LRRC4C: variants seen among roughly 807,000 people sequenced by gnomAD.
LRRC4C encodes the protein leucine rich repeat containing 4C.
In LRRC4C, 5 loss-of-function variants were observed where a neutral mutation model predicts 33.6. The ratio of observed to expected loss-of-function variants is 0.15; its 90% confidence interval spans 0.08 to 0.31. LRRC4C has a LOEUF of 0.31. Among genes scored for constraint, LRRC4C ranks in the 10% least tolerant of loss-of-function variants. The pLI is 1.00. For missense variants in LRRC4C, 560 were observed against 796.7 expected (o/e 0.70, Z 3.58); for synonymous variants, 329 against 302.0 (o/e 1.09, Z -0.93).
At chr11:40,568,870 T>A (rs905413693) in intron 3 of LRRC4C, among the ~76,000 whole-genome samples, 2 of 152,008 alleles carry the variant, frequency 1.3e-5, no homozygotes, top group Non-Finnish European at 2.9e-5. Context: ...GATTTAGACT[T>A]GAACAAAAAA....
intron 2 of LRRC4C, among the ~76,000 whole-genome samples, chr11:40,824,916 C>A (rs1952093919): frequency 6.6e-6 from 1 of 151,874 alleles, no homozygotes; most frequent in African/African-American, 2.4e-5. Context: ...TCACTTCTGC[C>A]ACACTGCCAC....
At chr11:40,274,928 CCTGCT>C (rs1942990644) in intron 4 of LRRC4C, among the ~76,000 whole-genome samples, 1 of 152,156 alleles carries the variant, frequency 6.6e-6, no homozygotes, top group Non-Finnish European at 1.5e-5. Context: ...CTTGCAACCA[CCTGCT>C]CAGGGGCTCT....
chr11:41,223,419 T>C (rs1947392261), intron 1 of LRRC4C, among the ~76,000 whole-genome samples: 1 of 152,190 alleles, frequency 6.6e-6, no homozygotes, highest in Non-Finnish European at 1.5e-5. Flanking sequence ...AAGACAGTCT[T>C]AGTGGCTATA....
intron 3 of LRRC4C, among the ~76,000 whole-genome samples, chr11:40,452,690 C>T (rs1318628400): frequency 6.6e-6 from 1 of 152,092 alleles, no homozygotes; most frequent in Non-Finnish European, 1.5e-5. Flanking sequence ...GGTATATACC[C>T]AAAGGGTTAT....
intron 3 of LRRC4C, among the ~76,000 whole-genome samples, chr11:40,533,842 T>A (rs905954072): frequency 1.3e-5 from 2 of 152,150 alleles, no homozygotes; most frequent in African/African-American, 4.8e-5. Flanking sequence ...TCTTTAGCCA[T>A]GTGTCCAAGG....
intron 1 of LRRC4C, among the ~76,000 whole-genome samples, chr11:41,143,414 A>C (rs1034914096): frequency 2.0e-5 from 3 of 152,144 alleles, no homozygotes; most frequent in African/African-American, 4.8e-5. Context: ...ATAAGTAAAT[A>C]AACAAAGAAA....
At chr11:41,158,585 A>G (rs1944332635) in intron 1 of LRRC4C, among the ~76,000 whole-genome samples, 1 of 152,112 alleles carries the variant, frequency 6.6e-6, no homozygotes, top group African/African-American at 2.4e-5. Context: ...TTTCCAGGAC[A>G]AAGCAGTGAG....
chr11:40,616,023 CA>C (rs1961782312), intron 3 of LRRC4C, among the ~76,000 whole-genome samples: 1 of 151,396 alleles, frequency 6.6e-6, no homozygotes, highest in African/African-American at 2.4e-5. Context: ...AAGAGAATAT[CA>C]GGATCCGGAA....
At chr11:41,015,363 C>G (rs952206057) in intron 1 of LRRC4C, among the ~76,000 whole-genome samples, 3 of 152,034 alleles carry the variant, frequency 2.0e-5, no homozygotes, top group Non-Finnish European at 2.9e-5. Flanking sequence ...GGGTCTTGCT[C>G]TGTTGCCCAG....
chr11:40,382,683 C>CTTTT (rs1590541837), intron 3 of LRRC4C, among the ~76,000 whole-genome samples: 1 of 113,300 alleles, frequency 8.8e-6, no homozygotes, highest in African/African-American at 3.8e-5. Context: ...AACTTGTACT[C>CTTTT]ATTTTTTTTT....
intron 1 of LRRC4C, among the ~76,000 whole-genome samples, chr11:41,235,253 C>T (rs1402265988): frequency 1.3e-5 from 2 of 151,920 alleles, no homozygotes; most frequent in Non-Finnish European, 2.9e-5. Context: ...ATGGGGATAA[C>T]GCAGAAGACG....
intron 3 of LRRC4C, among the ~76,000 whole-genome samples, chr11:40,592,135 A>G (rs1392582038): frequency 6.6e-6 from 1 of 152,252 alleles, no homozygotes; most frequent in Non-Finnish European, 1.5e-5. Flanking sequence ...CAACCCAGAA[A>G]GCAGCCCTCC....
At chr11:40,731,829 T>G (rs1947600029) in intron 2 of LRRC4C, among the ~76,000 whole-genome samples, 1 of 152,144 alleles carries the variant, frequency 6.6e-6, no homozygotes, top group South Asian at 2.1e-4. Flanking sequence ...TTCTTTATTT[T>G]TCTAATTTAT....
rs370574515 is a variant in LRRC4C at position 41,411,142 on chromosome 11, A to ATTT, written c.-496+48286_-496+48288dup. ...ATGAGAAACACTTGGTTGGTACCCT[A>ATTT]TTTTTTTTTTTTTTTTTTTTTTTTG... On this transcript the variant is annotated intron_variant, in intron 1 of 6. Transcript: ENST00000528697. Among the ~76,000 whole-genome samples, 65 of 57,230 alleles carry ATTT rather than the reference A, an allele frequency of 1.1e-3. 14 individuals are homozygous for ATTT. Among genetic ancestry groups the ATTT allele is most frequent in the South Asian group, 9.6e-3 (12 of 1,256 alleles). The allele number at this position is 57,230 out of a possible 152,430, so 37.5% of individuals were successfully genotyped here.
At chr11:40,594,212 G>GC (rs34396219) in intron 3 of LRRC4C, among the ~76,000 whole-genome samples, 1 of 152,220 alleles carries the variant, frequency 6.6e-6, no homozygotes, top group African/African-American at 2.4e-5. Flanking sequence ...TGCTGGGAAA[G>GC]CTAGAAGGAG....
intron 3 of LRRC4C, among the ~76,000 whole-genome samples, chr11:40,466,239 AT>A (rs1169741521): frequency 2.0e-5 from 3 of 152,012 alleles, no homozygotes; most frequent in Non-Finnish European, 4.4e-5. Flanking sequence ...AGAGAGGGAA[AT>A]AAAAGACATT....
At chr11:41,036,157 A>G (rs118087021) in intron 1 of LRRC4C, among the ~76,000 whole-genome samples, 3,015 of 152,248 alleles carry the variant, frequency 0.02, 63 homozygotes, top group Admixed American at 0.054. Flanking sequence ...TTATTCAATA[A>G]TTATGGTCAG....
chr11:40,295,657 G>A (rs1041632010), intron 4 of LRRC4C, among the ~76,000 whole-genome samples: 2 of 152,158 alleles, frequency 1.3e-5, no homozygotes, highest in Admixed American at 6.5e-5. Context: ...GCTGTAACGT[G>A]CATCTCAGAT....
At chr11:40,372,563 T>C (rs1265677705) in intron 3 of LRRC4C, among the ~76,000 whole-genome samples, 1 of 152,170 alleles carries the variant, frequency 6.6e-6, no homozygotes, top group Non-Finnish European at 1.5e-5. Context: ...CCGCGTAACA[T>C]AACTTGTTCA....
Sources: allele counts gnomAD v4.1 joint callset (sites outside exome capture counted in the v4.1 genomes callset), GRCh38; gene constraint gnomAD v4.1.1; transcripts MANE v1.5; gene names NCBI Gene and HGNC (gene_info 2026-07-23, HGNC 2026-07-21).